Variants in THADA observed in about 807,000 individuals in gnomAD.
THADA encodes the protein tRNA (32-2'-O)-methyltransferase regulator THADA.
Under a neutral mutation model 219.8 loss-of-function variants are expected in THADA, and 213 were observed. The observed-to-expected ratio is 0.97, with a 90% CI of 0.87 to 1.09. The LOEUF is 1.09. Ranked by LOEUF, THADA falls within the 50% of genes least tolerant of loss-of-function variation. The probability of loss-of-function intolerance (pLI) is 0.00; values close to 1 mark genes in which losing one functional copy is unlikely to be tolerated. For synonymous variants in THADA, 1,018 were observed against 828.9 expected, an observed-to-expected ratio of 1.23 and a Z score of -3.92; for missense variants, 2,956 against 2,311.3, an observed-to-expected ratio of 1.28 and a Z score of -5.72.
intron 36 of THADA, among the ~76,000 whole-genome samples, chr2:43,270,848 G>A (rs542311701): frequency 1.3e-5 from 2 of 152,244 alleles, no homozygotes; most frequent in Non-Finnish European, 2.9e-5. Context: ...GATGCCATGA[G>A]ACCCCACCTT....
intron 25 of THADA, among the ~76,000 whole-genome samples, chr2:43,496,801 T>A (rs1027994223): frequency 2.0e-5 from 3 of 152,158 alleles, no homozygotes; most frequent in Non-Finnish European, 4.4e-5. Flanking sequence ...AATTACCATA[T>A]GATATACCCA....
chr2:43,352,693 G>C (rs1477394822), intron 29 of THADA, among the ~76,000 whole-genome samples: 1 of 152,104 alleles, frequency 6.6e-6, no homozygotes, highest in African/African-American at 2.4e-5. Context: ...GAGAGAAAGA[G>C]AAAGAGAGAG....
chr2:43,396,673 G>C (rs1381140966), intron 29 of THADA, among the ~76,000 whole-genome samples: 1 of 151,740 alleles, frequency 6.6e-6, no homozygotes, highest in Middle Eastern at 3.2e-3. Flanking sequence ...GGGGACAGGG[G>C]GGTGCAGGCT....
Position 43,566,771 on chromosome 2 carries a change from T to C in THADA, c.2238A>G (p.Gly746=), listed in dbSNP as rs1698739173. The C allele has an allele frequency of 6.4e-7, 1 of 1,553,640 alleles. No individual in the cohort carries two copies. ...CNSLFEALFP[G]SSYSTRFSAL... is the part of the protein sequence containing the mutation. ...CTGAAAATCTAGTCGAGTAGGAAGATCCAGGAAACAATGCTTCAAAAAGAC... is the reference window on the plus strand; with the variant it reads ...CTGAAAATCTAGTCGAGTAGGAAGACCCAGGAAACAATGCTTCAAAAAGAC... Residue 746 remains glycine, a synonymous_variant, in exon 15 of 38, where the codon GGA becomes GGG. Transcript: ENST00000405975.
At chr2:43,408,568 C>T (rs952907075) in intron 28 of THADA, among the ~76,000 whole-genome samples, 1 of 152,184 alleles carries the variant, frequency 6.6e-6, no homozygotes, top group Non-Finnish European at 1.5e-5. Flanking sequence ...GAAGCACTTA[C>T]ATGGTTTCCT....
intron 37 of THADA, among the ~76,000 whole-genome samples, chr2:43,232,183 T>C (rs941208085): frequency 1.8e-4 from 28 of 151,488 alleles, no homozygotes; most frequent in Non-Finnish European, 3.5e-4. Flanking sequence ...TTTCTTTTCT[T>C]TTCTTTTTTT....
At chr2:43,377,586 G>C (rs1029135355) in intron 29 of THADA, among the ~76,000 whole-genome samples, 14 of 152,178 alleles carry the variant, frequency 9.2e-5, no homozygotes, top group Admixed American at 2.0e-4. Flanking sequence ...TCACTAGAAA[G>C]CTCCATCATC....
rs776119378 is a variant in THADA at position 43,541,228 on chromosome 2, G to A, written c.3195C>T (p.Gly1065=). Residue 1065 remains glycine, a synonymous_variant, in exon 21 of 38, where the codon GGC becomes GGT. Transcript: ENST00000405975. ...RSMKEVALLL[G]MLCQLLPMQP... ...GCATGGGCAGAAGCTGGCACAACAT[G>A]CCTAAAAGTAAAGCAACTTCCTTCA... 8.1e-6 allele frequency: 13 copies of A among 1,611,664 alleles called. No homozygotes were observed. The highest frequency in any genetic ancestry group is 9.3e-6 in the Non-Finnish European group (11 of 1,179,088).
At chr2:43,322,033 GTATCAGA>G (rs1678772795) in intron 30 of THADA, among the ~76,000 whole-genome samples, 1 of 151,964 alleles carries the variant, frequency 6.6e-6, no homozygotes, top group Non-Finnish European at 1.5e-5. Flanking sequence ...TGAAAAATAT[GTATCAGA>G]TACTTTTTTT....
intron 4 of THADA, among the ~76,000 whole-genome samples, chr2:43,588,481 A>G (rs1309005536): frequency 9.2e-5 from 14 of 152,310 alleles, no homozygotes; most frequent in African/African-American, 2.9e-4. Context: ...ACAAGTAACA[A>G]AGGAATGTAT....
intron 29 of THADA, among the ~76,000 whole-genome samples, chr2:43,386,113 G>C (rs936637229): frequency 1.3e-5 from 2 of 151,942 alleles, no homozygotes; most frequent in Non-Finnish European, 2.9e-5. Context: ...AGTGGTACCA[G>C]TTCAAGACTA....
intron 29 of THADA, among the ~76,000 whole-genome samples, chr2:43,394,504 T>A (rs1558689610): frequency 6.6e-6 from 1 of 152,358 alleles, no homozygotes; most frequent in East Asian, 1.9e-4. Context: ...AACTTTATAT[T>A]TATTTAGCTG....
chr2:43,484,483 T>G (rs1332978786), intron 26 of THADA: 2 of 169,168 alleles, frequency 1.2e-5, no homozygotes, highest in African/African-American at 4.8e-5. Context: ...TAATTAAATG[T>G]GCAGCAACAG....
intron 29 of THADA, among the ~76,000 whole-genome samples, chr2:43,396,704 G>T (rs183775902): frequency 2.0e-5 from 3 of 152,034 alleles, no homozygotes; most frequent in Admixed American, 6.5e-5. Flanking sequence ...CCAGCTTCTC[G>T]GGAGGCTGAG....
At chr2:43,261,485 G>T (rs946072702) in intron 36 of THADA, among the ~76,000 whole-genome samples, 3 of 151,230 alleles carry the variant, frequency 2.0e-5, no homozygotes, top group Non-Finnish European at 4.4e-5. Flanking sequence ...GCCCAGGCTG[G>T]ACTGCTGCTC....
intron 29 of THADA, among the ~76,000 whole-genome samples, chr2:43,356,678 G>C (rs1392841370): frequency 1.3e-5 from 2 of 152,186 alleles, no homozygotes; most frequent in Non-Finnish European, 2.9e-5. Context: ...AAATAGCTAA[G>C]AGTTCCATTT....
intron 36 of THADA, among the ~76,000 whole-genome samples, chr2:43,261,562 G>C (rs1448816541): frequency 6.6e-6 from 1 of 151,120 alleles, no homozygotes; most frequent in Non-Finnish European, 1.5e-5. Flanking sequence ...CCTGGTTCAA[G>C]CAATTCTCCT....
intron 36 of THADA, among the ~76,000 whole-genome samples, chr2:43,257,731 C>A (rs1670489749): frequency 1.3e-5 from 2 of 152,142 alleles, no homozygotes; most frequent in South Asian, 4.1e-4. Context: ...GTTAAATTCC[C>A]CTGCTATTTA....
chr2:43,348,651 T>G (rs1667912847), intron 29 of THADA, among the ~76,000 whole-genome samples: 1 of 152,086 alleles, frequency 6.6e-6, no homozygotes, highest in African/African-American at 2.4e-5. Context: ...GAGGCAGGGC[T>G]TGGCAACTGC....
Sources: gnomAD v4.1 joint callset for allele counts (sites outside exome capture counted in the v4.1 genomes callset) on GRCh38, gnomAD v4.1.1 for gene constraint, MANE v1.5 for transcripts, NCBI Gene and HGNC (gene_info 2026-07-23, HGNC 2026-07-21) for gene names.